Variants in LHFPL7 observed in about 807,000 individuals in gnomAD.
LHFPL7 encodes LHFPL tetraspan subfamily member 7 protein.
At chr22:24,939,882 A>G in the LHFPL7 span, among the ~76,000 whole-genome samples, 5 of 145,400 alleles carry the variant, frequency 3.4e-5, no homozygotes, top group African/African-American at 1.3e-4. Context: ...TTCCGTGCAT[A>G]CTTTCATTTG....
chr22:24,937,844 C>A, the LHFPL7 span, among the ~76,000 whole-genome samples: 5 of 152,186 alleles, frequency 3.3e-5, no homozygotes, highest in African/African-American at 1.2e-4. Flanking sequence ...ACATCCCCAA[C>A]TGTGTATGGT....
chr22:24,938,102 A>G, the LHFPL7 span: 4 of 1,348,056 alleles, frequency 3.0e-6, no homozygotes, highest in Non-Finnish European at 4.0e-6. Flanking sequence ...CATTCATTCC[A>G]TAAATATGTC....
the LHFPL7 span, chr22:24,935,558 G>A: frequency 2.4e-5 from 38 of 1,613,254 alleles, no homozygotes; most frequent in East Asian, 2.9e-4. Flanking sequence ...AGGCAAGGCC[G>A]ATTGGGAAAA....
At chr22:24,941,602 GTTTTTTTT>G in the LHFPL7 span, among the ~76,000 whole-genome samples, 5 of 96,570 alleles carry the variant, frequency 5.2e-5, no homozygotes, top group Non-Finnish European at 9.0e-5. Context: ...GCGTATATTT[GTTTTTTTT>G]TTTTTTTTTG....
At chr22:24,942,424 C>A in the LHFPL7 span, among the ~76,000 whole-genome samples, 1 of 152,220 alleles carries the variant, frequency 6.6e-6, no homozygotes, top group East Asian at 1.9e-4. Flanking sequence ...CCATTGATGG[C>A]CAGAAAGGAA....
At chr22:24,943,119 T>A in the LHFPL7 span, among the ~76,000 whole-genome samples, 1 of 152,062 alleles carries the variant, frequency 6.6e-6, no homozygotes, top group Non-Finnish European at 1.5e-5. Context: ...GTGTTTTCCC[T>A]ACACCAAAAT....
At chr22:24,939,054 A>C in the LHFPL7 span, among the ~76,000 whole-genome samples, 1 of 152,170 alleles carries the variant, frequency 6.6e-6, no homozygotes, top group Non-Finnish European at 1.5e-5. Context: ...ATGTTTGTTA[A>C]ATTATCAGTA....
At chr22:24,943,893 G>C in the LHFPL7 span, among the ~76,000 whole-genome samples, 2 of 152,166 alleles carry the variant, frequency 1.3e-5, no homozygotes, top group South Asian at 4.1e-4. Flanking sequence ...GATATGTCAA[G>C]CCAAGTCTCT....
chr22:24,944,878 C>T, the LHFPL7 span, among the ~76,000 whole-genome samples: 4 of 151,900 alleles, frequency 2.6e-5, no homozygotes, highest in Admixed American at 6.6e-5. Flanking sequence ...GGCGCGATCT[C>T]GGCTCACCCC....
the LHFPL7 span, among the ~76,000 whole-genome samples, chr22:24,944,691 G>T: frequency 6.6e-6 from 1 of 151,728 alleles, no homozygotes; most frequent in Non-Finnish European, 1.5e-5. Flanking sequence ...AGTAGCTGGG[G>T]CTACAGGCAT....
chr22:24,942,892 A>AGTGT, the LHFPL7 span, among the ~76,000 whole-genome samples: 8,120 of 128,028 alleles, frequency 0.063, 255 homozygotes, highest in East Asian at 0.11. Context: ...AAGGGGATAA[A>AGTGT]GTGTGTGTGT....
the LHFPL7 span, among the ~76,000 whole-genome samples, chr22:24,946,325 AAAAC>A: frequency 6.6e-6 from 1 of 152,078 alleles, no homozygotes; most frequent in Non-Finnish European, 1.5e-5. Flanking sequence ...GAAAAACAAA[AAAAC>A]AAAACCCCAG....
chr22:24,941,773 G>A, the LHFPL7 span, among the ~76,000 whole-genome samples: 3 of 151,246 alleles, frequency 2.0e-5, no homozygotes, highest in East Asian at 4.0e-4. Context: ...TGGTTCAAGC[G>A]ATTCTCCTGC....
the LHFPL7 span, chr22:24,935,339 G>C: frequency 6.2e-7 from 1 of 1,611,880 alleles, no homozygotes; most frequent in South Asian, 1.1e-5. Flanking sequence ...ATTTTTATTT[G>C]TTCATTTCTG....
At chr22:24,942,408 A>T in the LHFPL7 span, among the ~76,000 whole-genome samples, 3 of 152,252 alleles carry the variant, frequency 2.0e-5, no homozygotes, top group Non-Finnish European at 4.4e-5. Context: ...CAAATAGCCA[A>T]TCCTGCCATT....
At chr22:24,938,337 A>G in the LHFPL7 span, 2,716 of 1,611,262 alleles carry the variant, frequency 1.7e-3, 58 homozygotes, top group African/African-American at 0.033. Flanking sequence ...AACAGGAGCC[A>G]GCCTCCGAGG....
chr22:24,941,597 TATTTG>T, the LHFPL7 span, among the ~76,000 whole-genome samples: 2 of 111,438 alleles, frequency 1.8e-5, no homozygotes, highest in Admixed American at 1.3e-4. Flanking sequence ...ATTTTGCGTA[TATTTG>T]TTTTTTTTTT....
chr22:24,940,745 C>G, the LHFPL7 span, among the ~76,000 whole-genome samples: 1 of 142,848 alleles, frequency 7.0e-6, no homozygotes, highest in African/African-American at 2.6e-5. Flanking sequence ...TTCCTTCCTT[C>G]CTTCCCTCCC....
chr22:24,944,084 C>A, the LHFPL7 span, among the ~76,000 whole-genome samples: 1 of 152,220 alleles, frequency 6.6e-6, no homozygotes, highest in Non-Finnish European at 1.5e-5. Context: ...GACAGACCAA[C>A]AAAATATAGC....
Sources: allele counts gnomAD v4.1 joint callset (sites outside exome capture counted in the v4.1 genomes callset), GRCh38; gene constraint gnomAD v4.1.1; transcripts MANE v1.5; gene names NCBI Gene and HGNC (gene_info 2026-07-23, HGNC 2026-07-21).